The following TBCA variants were observed in gnomAD, a reference collection of about 807,000 sequenced individuals.
The protein encoded by TBCA is tubulin-specific chaperone A.
TBCA carries 6 observed loss-of-function variants against 15.8 expected under a neutral mutation model. That is an observed-to-expected ratio of 0.38 (90% CI 0.21 to 0.75). The LOEUF (loss-of-function observed/expected upper bound fraction) is 0.75. Ranked by LOEUF, TBCA falls within the 30% of genes least tolerant of loss-of-function variation. The pLI is 0.46. For synonymous variants in TBCA, 32 were observed against 42.3 expected, an observed-to-expected ratio of 0.76 and a Z score of 0.94; for missense variants, 90 against 131.2, an observed-to-expected ratio of 0.69 and a Z score of 1.53.
intron 1 of TBCA, among the ~76,000 whole-genome samples, chr5:77,762,012 A>C (rs907125554): frequency 2.0e-5 from 3 of 152,244 alleles, no homozygotes. Flanking sequence ...AGGAAAACGG[A>C]ATGCCTTTAA....
intron 1 of TBCA, among the ~76,000 whole-genome samples, chr5:77,731,876 A>G (rs1580115009): frequency 6.6e-6 from 1 of 152,192 alleles, no homozygotes; most frequent in East Asian, 1.9e-4. Flanking sequence ...AGAGGAGAAA[A>G]TTCCAAAAGA....
intron 1 of TBCA, among the ~76,000 whole-genome samples, chr5:77,713,932 A>G (rs917781197): frequency 6.6e-6 from 1 of 151,794 alleles, no homozygotes; most frequent in Admixed American, 6.6e-5. Flanking sequence ...AAAATTTCCC[A>G]AAGCTGGAAA....
chr5:77,776,167 C>G (rs1748022150), intron 1 of TBCA, 38 bp downstream of exon 1: 4 of 1,550,464 alleles, frequency 2.6e-6, no homozygotes, highest in Non-Finnish European at 3.5e-6. Flanking sequence ...CATGAGGTGA[C>G]GAAGAGGAGG....
At chr5:77,728,877 G>A (rs1453052718) in intron 1 of TBCA, among the ~76,000 whole-genome samples, 1 of 151,968 alleles carries the variant, frequency 6.6e-6, no homozygotes, top group East Asian at 1.9e-4. Context: ...TCAGTTAATT[G>A]TAGCCAAGTT....
intron 1 of TBCA, among the ~76,000 whole-genome samples, chr5:77,739,353 C>CAG (rs1746981200): frequency 6.6e-6 from 1 of 152,094 alleles, no homozygotes; most frequent in African/African-American, 2.4e-5. Flanking sequence ...CCCAGCTACT[C>CAG]AGGAGGCTGA....
chr5:77,738,692 C>A (rs1382122039), intron 1 of TBCA, among the ~76,000 whole-genome samples: 1 of 152,214 alleles, frequency 6.6e-6, no homozygotes, highest in East Asian at 1.9e-4. Context: ...AAGAAATTCT[C>A]ATGCCTTAGC....
intron 1 of TBCA, 51 bp from the exon 2 acceptor site, chr5:77,708,398 TAAGA>T (rs750343604): frequency 1.5e-5 from 17 of 1,104,536 alleles, no homozygotes; most frequent in African/African-American, 3.1e-5. Flanking sequence ...CTCCAGACCA[TAAGA>T]AAGAAACTGT....
intron 1 of TBCA, among the ~76,000 whole-genome samples, chr5:77,772,467 A>C (rs182227832): frequency 5.0e-4 from 76 of 152,134 alleles, no homozygotes; most frequent in African/African-American, 1.7e-3. Flanking sequence ...CCAGAACTTA[A>C]AGTAAAATAA....
chr5:77,700,196 T>C (rs748635622), intron 2 of TBCA, among the ~76,000 whole-genome samples: 1 of 151,974 alleles, frequency 6.6e-6, no homozygotes, highest in Non-Finnish European at 1.5e-5. Context: ...CCAAGCAAGA[T>C]TCTGTCTCAA....
chr5:77,736,388 A>G (rs1746907767), intron 1 of TBCA, among the ~76,000 whole-genome samples: 1 of 152,144 alleles, frequency 6.6e-6, no homozygotes, highest in Admixed American at 6.5e-5. Context: ...AACGACTAGG[A>G]AACAACTGCT....
Position 77,708,251 on chromosome 5 carries a change from A to G in TBCA, c.150T>C (p.Ile50=), listed in dbSNP as rs1176514154. The change falls in exon 2 of 4, where the codon ATT becomes ATC. Residue 50 remains isoleucine, a synonymous_variant. Coordinates refer to ENST00000380377, the MANE Select transcript of TBCA (RefSeq NM_004607.3). ...MRAEDGENYD[I]KKQAEILQES... is the part of the protein sequence containing the mutation. The stretch of plus-strand genomic sequence containing the variant: ...TATGATATAATTTTACCTGCTTTTT[A>G]ATGTCATAATTTTCACCGTCTTCAG... 1.2e-6 allele frequency: 2 copies of G among 1,603,136 alleles called. No homozygotes were observed. The highest frequency in any genetic ancestry group is 1.7e-6 in the Non-Finnish European group (2 of 1,173,434).
At chr5:77,734,000 T>C (rs1746836992) in intron 1 of TBCA, among the ~76,000 whole-genome samples, 1 of 152,254 alleles carries the variant, frequency 6.6e-6, no homozygotes, top group Non-Finnish European at 1.5e-5. Context: ...AAATCTCCTC[T>C]GCCTGTGCTC....
chr5:77,692,637 T>G, intron 3 of TBCA: 3 of 985,548 alleles, frequency 3.0e-6, no homozygotes, highest in Non-Finnish European at 3.6e-6. Flanking sequence ...GCTACTAGAT[T>G]CATGAGAGAA....
intron 1 of TBCA, among the ~76,000 whole-genome samples, chr5:77,716,691 C>T (rs1746405640): frequency 6.6e-6 from 1 of 152,176 alleles, no homozygotes; most frequent in Non-Finnish European, 1.5e-5. Context: ...TGTTAAACTC[C>T]ATATCCTTAG....
At chr5:77,708,865 G>A (rs1318791357) in intron 1 of TBCA, among the ~76,000 whole-genome samples, 1 of 151,790 alleles carries the variant, frequency 6.6e-6, no homozygotes, top group African/African-American at 2.4e-5. Flanking sequence ...CACCGTGCCT[G>A]GCCCAAAGCA....
At chr5:77,731,160 C>A (rs2112468074) in intron 1 of TBCA, among the ~76,000 whole-genome samples, 1 of 152,292 alleles carries the variant, frequency 6.6e-6, no homozygotes, top group East Asian at 1.9e-4. Context: ...TATTCACCAA[C>A]AGTGAGAAGC....
intron 2 of TBCA, among the ~76,000 whole-genome samples, chr5:77,698,107 G>A (rs1274809197): frequency 2.0e-5 from 3 of 150,002 alleles, no homozygotes; most frequent in Non-Finnish European, 4.4e-5. Context: ...GCGACAGAGT[G>A]AAACCCTGTC....
chr5:77,770,616 G>A (rs1747883069), intron 1 of TBCA, among the ~76,000 whole-genome samples: 1 of 152,010 alleles, frequency 6.6e-6, no homozygotes, highest in East Asian at 1.9e-4. Flanking sequence ...TCTGTGCTGG[G>A]GGAAAAAACT....
At chr5:77,691,566 A>G in intron 3 of TBCA, 68 bp from the exon 4 acceptor site, 1 of 1,472,406 alleles carries the variant, frequency 6.8e-7, no homozygotes, top group Non-Finnish European at 9.0e-7. Context: ...ATTTACTCAA[A>G]TATTACAAAC....
Sources: allele counts gnomAD v4.1 joint callset (sites outside exome capture counted in the v4.1 genomes callset), GRCh38; gene constraint gnomAD v4.1.1; transcripts MANE v1.5; gene names NCBI Gene and HGNC (gene_info 2026-07-23, HGNC 2026-07-21).